The following INPP1 variants were observed in gnomAD, a reference collection of about 807,000 sequenced individuals.
The protein encoded by INPP1 is inositol polyphosphate 1-phosphatase.
In INPP1, 18 loss-of-function variants were observed where a neutral mutation model predicts 23.0. The observed-to-expected ratio is 0.78, with a 90% CI of 0.54 to 1.16. The LOEUF is 1.16. Ranked by LOEUF, INPP1 falls within the 50% of genes most tolerant of loss-of-function variation. The pLI is 0.00. For missense variants in INPP1, 448 were observed against 482.1 expected, an observed-to-expected ratio of 0.93 and a Z score of 0.66; for synonymous variants, 164 against 176.3, an observed-to-expected ratio of 0.93 and a Z score of 0.55.
At chr2:190,344,051 G>A in intron 1 of INPP1, 90 bp downstream of exon 1, 1 of 327,860 alleles carries the variant, frequency 3.1e-6, no homozygotes, top group Non-Finnish European at 6.3e-6. Flanking sequence ...CTGGTGAGCG[G>A]CGCGCGCCGT....
Position 190,371,181 on chromosome 2 carries a change from A to G in INPP1, c.979A>G (p.Met327Val). Residue 327 changes from methionine to valine, a missense_variant, in exon 7 of 7, where the codon ATG (methionine) becomes GTG (valine). Transcript: ENST00000392329. The surrounding 1 kb of genome is among the most constrained non-coding windows in gnomAD (Gnocchi z 5.3). Reference sequence around the variant, plus strand: ...TGCTGCTCATGCCATACTGAGGGCCATGGGTGGGGGAATAGTAGACTTGAA... The same window carrying G: ...TGCTGCTCATGCCATACTGAGGGCCGTGGGTGGGGGAATAGTAGACTTGAA... ...SCAAHAILRA[M>V]GGGIVDLKEC... 1 of 1,614,104 alleles carries G rather than the reference A, an allele frequency of 6.2e-7. No homozygotes were observed. Among genetic ancestry groups the G allele is most frequent in the African/African-American group, 1.3e-5 (1 of 75,044 alleles).
rs755218922 is a variant in INPP1 at position 190,360,230 on chromosome 2, A to C, written c.128A>C (p.Lys43Thr). The C allele has an allele frequency of 5.6e-6, 9 of 1,614,240 alleles. No individual in the cohort carries two copies. The highest frequency in any genetic ancestry group is 7.6e-6 in the Non-Finnish European group (9 of 1,180,044). Residue 43 changes from lysine (K) to threonine (T), a missense_variant, in exon 3 of 7, where the codon AAG becomes ACG. Physicochemically the swap from Lys to Thr is moderately conservative, Grantham distance 78 (BLOSUM62 -1). Coordinates refer to ENST00000392329, the MANE Select transcript of INPP1 (RefSeq NM_001128928.2). Reference protein sequence around the residue: ...IEEKKEGEKNKKFAVDFKTLA... With the variant: ...IEEKKEGEKNTKFAVDFKTLA... ...GAAAAGAAAGAGGGAGAAAAGAACA[A>C]GAAGTTTGCAGTTGACTTCAAGACG...
chr2:190,369,040 T>A, intron 5 of INPP1, 63 bp from the exon 6 acceptor site: 1 of 968,206 alleles, frequency 1.0e-6, no homozygotes, highest in Non-Finnish European at 1.5e-6. Context: ...AGAGAAGTCA[T>A]ATGGAACAGA....
intron 4 of INPP1, among the ~76,000 whole-genome samples, chr2:190,365,735 C>T (rs1689632198): frequency 1.3e-5 from 2 of 152,308 alleles, no homozygotes; most frequent in African/African-American, 4.8e-5. Flanking sequence ...GATATATTGC[C>T]CTCAATCTAA....
In INPP1 at chr2:190,368,918, G is replaced by T; in HGVS notation, c.467-185G>T. The stretch of plus-strand genomic sequence containing the variant: ...TCCTCTCCCTTCAAGAGTTCTCACA[G>T]TCAGGAAAATGAAACACAAGCAATT... On this transcript the variant is annotated intron_variant, in intron 5 of 6. Coordinates refer to ENST00000392329, the MANE Select transcript of INPP1 (RefSeq NM_001128928.2). This position sits in a 1 kb window ranked among gnomAD's most constrained non-coding sequence, Gnocchi z 4.3. 1 of 409,340 alleles carries T rather than the reference G, an allele frequency of 2.4e-6. No individual in the cohort carries two copies. Among genetic ancestry groups the T allele is most frequent in the Non-Finnish European group, 4.4e-6 (1 of 229,842 alleles). 25.4% of individuals were successfully genotyped at this position (409,340 alleles called of 1,614,324 possible).
chr2:190,365,881 C>T (rs1689638542), intron 4 of INPP1, among the ~76,000 whole-genome samples: 1 of 149,468 alleles, frequency 6.7e-6, no homozygotes, highest in Non-Finnish European at 1.5e-5. Context: ...CTTGCTCTGT[C>T]TCTCTCTGTG....
Position 190,366,834 on chromosome 2 carries a change from T to G in INPP1, c.405T>G (p.Thr135=), listed in dbSNP as rs747456953. The change falls in exon 5 of 7, where the codon ACT becomes ACG. Residue 135 remains threonine, a synonymous_variant. Transcript: ENST00000392329. ...AGGATGTTGCCTTTACTGACCCAAC[T>G]CTGGATTCCACAGAGATCAATGTTC... ...VHQDVAFTDP[T]LDSTEINVPQ... is the part of the protein sequence containing the mutation. 2 of 1,614,098 alleles carry G rather than the reference T, an allele frequency of 1.2e-6. No homozygotes were observed. The highest frequency in any genetic ancestry group is 2.2e-5 in the South Asian group (2 of 91,078).
At position 190,371,251 on chromosome 2, in the gene INPP1, A is replaced by C; in HGVS notation, c.1049A>C (p.Gln350Pro). The C allele has an allele frequency of 6.2e-7, 1 of 1,613,110 alleles. No homozygotes were observed. The highest frequency in any genetic ancestry group is 1.3e-5 in the African/African-American group (1 of 75,044). The change falls in exon 7 of 7, where the codon CAG (glutamine) becomes CCG (proline). Residue 350 changes from glutamine (Q) to proline (P), a missense_variant. Coordinates refer to ENST00000392329, the MANE Select transcript of INPP1 (RefSeq NM_001128928.2). The surrounding 1 kb of genome is among the most constrained non-coding windows in gnomAD (Gnocchi z 5.3). ...RNPETGLDLP[Q>P]LVYHVENEGA... is the part of the protein sequence containing the mutation. ...CCAGAAACAGGGCTTGATTTGCCACAGTTGGTGTACCACGTGGAAAATGAG... is the reference window on the plus strand; with the variant it reads ...CCAGAAACAGGGCTTGATTTGCCACCGTTGGTGTACCACGTGGAAAATGAG...
At chr2:190,359,568 AAAAAG>A (rs1283595485) in intron 2 of INPP1, 12 of 147,592 alleles carry the variant, frequency 8.1e-5, no homozygotes, top group East Asian at 2.0e-4. Flanking sequence ...AAAAAAAAAA[AAAAAG>A]AAAGAAAAAA....
At chr2:190,365,849 GTCTCTCTCGCTC>G (rs1559084752) in intron 4 of INPP1, among the ~76,000 whole-genome samples, 21 of 91,280 alleles carry the variant, frequency 2.3e-4, no homozygotes, top group Admixed American at 1.7e-3. Flanking sequence ...TTCTCTCGCT[GTCTCTCTCGCTC>G]TCTGTCTCTC....
At chr2:190,369,973 C>T (rs1689768205) in intron 6 of INPP1, among the ~76,000 whole-genome samples, 2 of 152,198 alleles carry the variant, frequency 1.3e-5, no homozygotes, top group African/African-American at 4.8e-5. Flanking sequence ...CTTCAAGTAA[C>T]AATCATTTGC....
chr2:190,356,367 T>G lies in INPP1; in HGVS notation c.-64-3672T>G, dbSNP rs574538792. 6.6e-6 allele frequency: 1 copy of G among 152,346 alleles called. No homozygotes were observed. The highest frequency in any genetic ancestry group is 2.1e-4 in the South Asian group (1 of 4,820). The allele number at this position is 152,346 out of a possible 1,614,324, so 9.4% of individuals were successfully genotyped here. A position where few individuals can be genotyped will look rare whatever the true frequency, so the allele number is the denominator to read the frequency against. On this transcript the variant is annotated intron_variant, in intron 2 of 6. Coordinates refer to ENST00000392329, the MANE Select transcript of INPP1 (RefSeq NM_001128928.2). This position sits in a 1 kb window ranked among gnomAD's most constrained non-coding sequence, Gnocchi z 6.4. ...TGTTATGAGAAATTCCTAAAATCGG[T>G]AGACCTGTTCATTACAGGGCTGCAG...
Position 190,360,029 on chromosome 2 carries a change from A to C in INPP1, c.-64-10A>C. On this transcript the variant is annotated splice_polypyrimidine_tract_variant and intron_variant, in intron 2 of 6. Transcript: ENST00000392329. ...ACTGCTTTCTCTTTCACATTCTTGT[A>C]TTTTTCCAGCTGACGGCCCAGAGGG... is the stretch of plus-strand genomic sequence containing the variant. 6.8e-7 allele frequency: 1 copy of C among 1,472,662 alleles called. No individual in the cohort carries two copies. The highest frequency in any genetic ancestry group is 2.3e-5 in the East Asian group (1 of 43,768). The allele number at this position is 1,472,662 out of a possible 1,614,324, so 91.2% of individuals were successfully genotyped here.
chr2:190,366,146 GCT>G (rs1430023985), intron 4 of INPP1, among the ~76,000 whole-genome samples: 24 of 111,020 alleles, frequency 2.2e-4, no homozygotes, highest in African/African-American at 8.4e-4. Context: ...GCTCTCTCTC[GCT>G]CTTTCGCTGT....
At position 190,356,784 on chromosome 2, in the gene INPP1, T is replaced by A. The variant is rs1689427939; in HGVS notation, c.-64-3255T>A. 1 of 151,804 alleles carries A rather than the reference T, an allele frequency of 6.6e-6. No individual in the cohort carries two copies. The highest frequency in any genetic ancestry group is 2.1e-4 in the South Asian group (1 of 4,810). The allele number at this position is 151,804 out of a possible 1,614,324, so 9.4% of individuals were successfully genotyped here. A position where few individuals can be genotyped will look rare whatever the true frequency, so the allele number is the denominator to read the frequency against. ...CTTGAAAGCTTTCAAATCGGACTCC[T>A]TGAGATCTTCACGCTACTGTTAAGG... On this transcript the variant is annotated intron_variant, in intron 2 of 6. Coordinates refer to ENST00000392329, the MANE Select transcript of INPP1 (RefSeq NM_001128928.2). This position sits in a 1 kb window ranked among gnomAD's most constrained non-coding sequence, Gnocchi z 6.4.
intron 2 of INPP1, among the ~76,000 whole-genome samples, chr2:190,357,786 GC>G (rs1472612202): frequency 2.0e-5 from 3 of 152,172 alleles, no homozygotes; most frequent in African/African-American, 7.2e-5. Context: ...TTGTTTGCGT[GC>G]CCATTAGCAG....
In INPP1 at chr2:190,362,615, T is replaced by C; in HGVS notation, c.205-12T>C. 1 of 1,592,174 alleles carries C rather than the reference T, an allele frequency of 6.3e-7. No individual in the cohort carries two copies. Among genetic ancestry groups the C allele is most frequent in the Non-Finnish European group, 8.6e-7 (1 of 1,163,842 alleles). On this transcript the variant is annotated splice_polypyrimidine_tract_variant and intron_variant, in intron 3 of 6. Transcript: ENST00000392329. The stretch of plus-strand genomic sequence containing the variant: ...TTTTGTTTTGTTTTTCGTCATACTC[T>C]GAATCATTCAGTTTCCAGGCTTGGA...
rs551384600 is a variant in INPP1, at chr2:190,353,788, C to T, written c.-65+4757C>T. The stretch of plus-strand genomic sequence containing the variant: ...GTGTATTTTCCACTATATAGTTTAT[C>T]CCATCTGAAATATGTCTAAATTATT... On this transcript the variant is annotated intron_variant, in intron 2 of 6. Transcript: ENST00000392329. Among the ~76,000 whole-genome samples the T allele has an allele frequency of 2.6e-3, 399 of 152,292 alleles. 2 individuals carry two copies. The highest frequency in any genetic ancestry group is 4.1e-3 in the Non-Finnish European group (277 of 68,028).
At chr2:190,369,365 T>C in intron 6 of INPP1, 88 bp downstream of exon 6, 1 of 624,260 alleles carries the variant, frequency 1.6e-6, no homozygotes, top group Non-Finnish European at 2.7e-6. Context: ...CTATATGACA[T>C]TCCCATGACT....
Sources: allele counts gnomAD v4.1 joint callset (sites outside exome capture counted in the v4.1 genomes callset), GRCh38; gene constraint gnomAD v4.1.1; non-coding constraint Gnocchi (gnomAD v3.1); transcripts MANE v1.5; gene names NCBI Gene and HGNC (gene_info 2026-07-23, HGNC 2026-07-21).